TTLL5: variants seen among roughly 807,000 people sequenced by gnomAD.
The protein encoded by TTLL5 is tubulin tyrosine ligase like 5.
In TTLL5, 132 loss-of-function variants were observed where a neutral mutation model predicts 168.4. The ratio of observed to expected loss-of-function variants is 0.78; its 90% CI spans 0.68 to 0.91. TTLL5 has a LOEUF of 0.91. TTLL5 is among the 40% of genes least tolerant of loss of function. TTLL5 has a pLI of 0.00. For synonymous variants in TTLL5, 546 were observed against 558.6 expected (o/e 0.98, Z 0.32); for missense variants, 1,545 against 1,581.5 (o/e 0.98, Z 0.39).
chr14:75,782,594 C>T, intron 25 of TTLL5, 21 bp downstream of exon 25: 2 of 1,583,246 alleles, frequency 1.3e-6, no homozygotes, highest in Non-Finnish European at 1.7e-6. Context: ...TCAAACCTAC[C>T]TAGATTTGCT....
In TTLL5 at chr14:75,737,619, A is replaced by G. The variant is rs1158345971; in HGVS notation, c.1281+2330A>G. 2.6e-6 allele frequency: 4 copies of G among 1,534,926 alleles called. No homozygotes were observed. The Admixed American group carries it at 7.9e-5, about 30-fold the overall frequency. On this transcript the variant is annotated intron_variant, in intron 15 of 31. Coordinates refer to ENST00000298832, the MANE Select transcript of TTLL5 (RefSeq NM_015072.5). ...CAAAGGCCAAGCAGGTAAGTTCTAG[A>G]TCTTTTGGAGACTTCTTCAAATTTT...
intron 21 of TTLL5, among the ~76,000 whole-genome samples, chr14:75,773,927 T>TATATATATAGAGAG (rs1354936334): frequency 1.4e-4 from 3 of 21,124 alleles, no homozygotes; most frequent in Non-Finnish European, 1.9e-4. Context: ...TATATATATA[T>TATATATATAGAGAG]AGAGAGAGAG....
At chr14:75,772,684 T>C (rs945057304) in intron 21 of TTLL5, among the ~76,000 whole-genome samples, 13 of 151,642 alleles carry the variant, frequency 8.6e-5, no homozygotes, top group Non-Finnish European at 1.8e-4. Flanking sequence ...TTTTTTTTTT[T>C]TGAGACAGAG....
At chr14:75,925,675 G>C (rs1033806211) in intron 31 of TTLL5, among the ~76,000 whole-genome samples, 1 of 152,008 alleles carries the variant, frequency 6.6e-6, no homozygotes, top group Non-Finnish European at 1.5e-5. Context: ...CTGCAATCTC[G>C]GCACTTTGGG....
At chr14:75,863,926 A>AAAAAAAAAAAAAAAAAAAAAAAG (rs1325156608) in intron 29 of TTLL5, 64 bp downstream of exon 29, 7 of 1,257,764 alleles carry the variant, frequency 5.6e-6, no homozygotes, top group African/African-American at 3.9e-5. Context: ...AAAAAAAAAA[A>AAAAAAAAAAAAAAAAAAAAAAAG]AAAAAAAAGG....
intron 27 of TTLL5, among the ~76,000 whole-genome samples, chr14:75,799,196 A>G (rs1893151533): frequency 6.6e-6 from 1 of 152,170 alleles, no homozygotes; most frequent in African/African-American, 2.4e-5. Context: ...CTATTGGACT[A>G]GTCCTTTTAT....
At chr14:75,771,669 C>A (rs766904746) in intron 20 of TTLL5, 65 bp from the exon 21 acceptor site, 14 of 1,600,218 alleles carry the variant, frequency 8.7e-6, no homozygotes, top group Non-Finnish European at 1.2e-5. Context: ...TGGAGAGAAG[C>A]AAGTACACAT....
intron 22 of TTLL5, among the ~76,000 whole-genome samples, chr14:75,775,929 A>C (rs1316867985): frequency 6.6e-6 from 1 of 152,220 alleles, no homozygotes; most frequent in Non-Finnish European, 1.5e-5. Flanking sequence ...CACGGTTGTT[A>C]GTGCCTGTAG....
chr14:75,879,523 A>C (rs2140013037), intron 29 of TTLL5, among the ~76,000 whole-genome samples: 1 of 152,316 alleles, frequency 6.6e-6, no homozygotes, highest in African/African-American at 2.4e-5. Flanking sequence ...TATTTCAAGA[A>C]ATCCTTATTG....
In TTLL5 at chr14:75,954,614, G is replaced by T; in HGVS notation, c.*168G>T. On this transcript the variant is annotated 3_prime_UTR_variant, in exon 32 of 32. Coordinates refer to ENST00000298832, the MANE Select transcript of TTLL5 (RefSeq NM_015072.5). Reference sequence around the variant, plus strand: ...AGTAGATGGTTGCCAATCAGCCAATGCAGACTTTCACTGGGACAACAAGAA... The same window carrying T: ...AGTAGATGGTTGCCAATCAGCCAATTCAGACTTTCACTGGGACAACAAGAA... The T allele has an allele frequency of 1.5e-6, 1 of 671,544 alleles. No individual in the cohort carries two copies. The highest frequency in any genetic ancestry group is 2.6e-6 in the Non-Finnish European group (1 of 391,004). 41.6% of individuals were successfully genotyped at this position (671,544 alleles called of 1,614,324 possible). A position where few individuals can be genotyped will look rare whatever the true frequency, so the allele number is the denominator to read the frequency against.
intron 27 of TTLL5, among the ~76,000 whole-genome samples, chr14:75,798,131 T>C (rs1440961519): frequency 6.6e-6 from 1 of 152,046 alleles, no homozygotes; most frequent in East Asian, 1.9e-4. Context: ...TGCTTGCTGT[T>C]ATCTGTTCAG....
chr14:75,907,386 G>A (rs2033187179), intron 31 of TTLL5, among the ~76,000 whole-genome samples: 1 of 152,162 alleles, frequency 6.6e-6, no homozygotes, highest in African/African-American at 2.4e-5. Flanking sequence ...AGAAAATTCT[G>A]CGAAACTTCA....
At chr14:75,907,412 C>A (rs2033188659) in intron 31 of TTLL5, among the ~76,000 whole-genome samples, 1 of 152,168 alleles carries the variant, frequency 6.6e-6, no homozygotes. Context: ...TTGATAATTC[C>A]TTTCCTCTTT....
chr14:75,875,416 G>A (rs1371459835), intron 29 of TTLL5, among the ~76,000 whole-genome samples: 1 of 151,078 alleles, frequency 6.6e-6, no homozygotes, highest in African/African-American at 2.4e-5. Flanking sequence ...GCGTGTGGTG[G>A]CACGTGCCTG....
intron 31 of TTLL5, among the ~76,000 whole-genome samples, chr14:75,948,921 A>G (rs567196333): frequency 6.6e-6 from 1 of 152,338 alleles, no homozygotes; most frequent in South Asian, 2.1e-4. Flanking sequence ...TTTAATTATT[A>G]TGGAAACTGA....
chr14:75,843,992 A>G (rs1475194956), intron 28 of TTLL5, among the ~76,000 whole-genome samples: 1 of 151,684 alleles, frequency 6.6e-6, no homozygotes, highest in Non-Finnish European at 1.5e-5. Flanking sequence ...TCCCAAGTTC[A>G]GGAGATTCTC....
At chr14:75,822,573 T>C (rs1894890521) in intron 28 of TTLL5, among the ~76,000 whole-genome samples, 1 of 152,200 alleles carries the variant, frequency 6.6e-6, no homozygotes, top group Non-Finnish European at 1.5e-5. Context: ...TTTTCATCTC[T>C]GCATGTCAGA....
At chr14:75,833,195 A>T (rs1028243620) in intron 28 of TTLL5, among the ~76,000 whole-genome samples, 2 of 151,912 alleles carry the variant, frequency 1.3e-5, no homozygotes, top group African/African-American at 4.8e-5. Context: ...TCCCTCTTTC[A>T]TATCATTTCA....
At chr14:75,882,933 G>A (rs1454913343) in intron 30 of TTLL5, 31 bp downstream of exon 30, 1 of 1,598,978 alleles carries the variant, frequency 6.3e-7, no homozygotes, top group East Asian at 2.2e-5. Context: ...TTTCTACTGA[G>A]TTTTATCAGT....
Sources: allele counts gnomAD v4.1 joint callset (sites outside exome capture counted in the v4.1 genomes callset), GRCh38; gene constraint gnomAD v4.1.1; transcripts MANE v1.5; gene names NCBI Gene and HGNC (gene_info 2026-07-23, HGNC 2026-07-21).